Variants in RARB observed in about 807,000 individuals in gnomAD.
RARB encodes the protein HBV-activated protein.
Under a neutral mutation model 51.9 loss-of-function variants are expected in RARB, and 17 were observed. The observed-to-expected ratio is 0.33, with a 90% CI of 0.22 to 0.49. RARB has a LOEUF of 0.49. RARB is among the 20% of genes least tolerant of loss of function. The pLI, the probability that RARB is intolerant of heterozygous loss-of-function variation, is 0.99. For missense variants in RARB, 369 were observed against 550.8 expected, an observed-to-expected ratio of 0.67 and a Z score of 3.30; for synonymous variants, 215 against 195.4, an observed-to-expected ratio of 1.10 and a Z score of -0.84.
Position 25,428,637 on chromosome 3 carries a change from G to A in RARB, c.-95G>A. ...CAACAGCCTACGTGCCAAAAAAGGGGCAGAGTTTGATGGAGTTGGGTGGAC... is the reference window on the plus strand; with the variant it reads ...CAACAGCCTACGTGCCAAAAAAGGGACAGAGTTTGATGGAGTTGGGTGGAC... On this transcript the variant is annotated 5_prime_UTR_variant, in exon 1 of 8. Transcript: ENST00000330688. 1 of 1,459,832 alleles carries A rather than the reference G, an allele frequency of 6.9e-7. No individual in the cohort carries two copies. The highest frequency in any genetic ancestry group is 9.1e-7 in the Non-Finnish European group (1 of 1,095,096). 90.4% of individuals were successfully genotyped at this position (1,459,832 alleles called of 1,614,324 possible). A position where few individuals can be genotyped will look rare whatever the true frequency, so the allele number is the denominator to read the frequency against.
At chr3:25,421,209 T>C (rs950347216) in intron 5 of RARB, among the ~76,000 whole-genome samples, 1 of 151,794 alleles carries the variant, frequency 6.6e-6, no homozygotes, top group Non-Finnish European at 1.5e-5. Flanking sequence ...CAAATTCTCT[T>C]AGAGAACTTG....
At chr3:24,977,987 C>A (rs1376944822) in intron 2 of RARB, among the ~76,000 whole-genome samples, 1 of 152,058 alleles carries the variant, frequency 6.6e-6, no homozygotes, top group African/African-American at 2.4e-5. Context: ...TTGTTAAAGG[C>A]CTTTTCTGCA....
At chr3:24,961,420 G>T (rs1231223868) in intron 2 of RARB, among the ~76,000 whole-genome samples, 4 of 152,196 alleles carry the variant, frequency 2.6e-5, no homozygotes, top group African/African-American at 9.7e-5. Flanking sequence ...TCATGGATAT[G>T]AACTGATGCT....
At chr3:25,523,469 A>C (rs749808909) in intron 3 of RARB, among the ~76,000 whole-genome samples, 25 of 152,202 alleles carry the variant, frequency 1.6e-4, no homozygotes, top group Admixed American at 6.5e-4. Context: ...AGATTTATAG[A>C]AGTAAAATGA....
At chr3:25,390,895 A>G (rs1039558553) in intron 5 of RARB, among the ~76,000 whole-genome samples, 9 of 144,112 alleles carry the variant, frequency 6.2e-5, no homozygotes, top group African/African-American at 1.5e-4. Flanking sequence ...AATAACTTTG[A>G]TAATTTTTGT....
chr3:24,898,273 C>T (rs1306102934), intron 2 of RARB, among the ~76,000 whole-genome samples: 2 of 150,476 alleles, frequency 1.3e-5, no homozygotes, highest in African/African-American at 4.9e-5. Context: ...TGTGAAATAG[C>T]CTGCAAAATA....
At chr3:25,156,922 C>G (rs1700384169) in intron 4 of RARB, among the ~76,000 whole-genome samples, 1 of 152,170 alleles carries the variant, frequency 6.6e-6, no homozygotes, top group Non-Finnish European at 1.5e-5. Context: ...AACTGGACAG[C>G]TGAAATATTG....
At position 25,174,285 on chromosome 3, in the gene RARB, G is replaced by A. The variant is rs1700699865; in HGVS notation, c.-113G>A. The A allele has an allele frequency of 5.3e-6, 5 of 941,646 alleles. 1 individual carries two copies. In the South Asian group the frequency reaches 7.1e-5, roughly 13 times the overall value. 58.3% of individuals were successfully genotyped at this position (941,646 alleles called of 1,614,324 possible). ...GTTGAACCATCTTGACTTTGGCCCA[G>A]AACACAGCTCAGCCTCAACTCCTGC... is the stretch of plus-strand genomic sequence containing the variant. On this transcript the variant is annotated 5_prime_UTR_variant, in exon 5 of 12. Coordinates refer to the RARB transcript ENST00000383772.
intron 3 of RARB, among the ~76,000 whole-genome samples, chr3:25,525,121 C>T (rs560055647): frequency 5.5e-4 from 84 of 152,272 alleles, no homozygotes; most frequent in African/African-American, 1.8e-3. Context: ...TACCTCATAA[C>T]ATTATAAAGT....
At chr3:25,174,358 T>C (rs775483597) in exon 5 of RARB, 18 of 1,342,744 alleles carry the variant, frequency 1.3e-5, no homozygotes, top group Non-Finnish European at 1.6e-5. Context: ...AGTGATGTGT[T>C]CCTGCTCCAG....
intron 2 of RARB, among the ~76,000 whole-genome samples, chr3:24,914,850 C>G (rs1695072092): frequency 6.6e-6 from 1 of 152,172 alleles, no homozygotes; most frequent in African/African-American, 2.4e-5. Context: ...AATCTCAGTA[C>G]TAACAGATGG....
chr3:25,443,625 A>T lies in RARB; in HGVS notation c.157+14737A>T, dbSNP rs1165357666. Among the ~76,000 whole-genome samples the T allele has an allele frequency of 2.8e-3, 361 of 126,864 alleles. 2 individuals are homozygous for T. The highest frequency in any genetic ancestry group is 0.017 in the East Asian group (82 of 4,708). 83.2% of individuals were successfully genotyped at this position (126,864 alleles called of 152,430 possible). Reference sequence around the variant, plus strand: ...GACAGTCCATCTAAAATATATATAAAAAAAAAAAAATGATAAAGCTAAAGG... The same window carrying T: ...GACAGTCCATCTAAAATATATATAATAAAAAAAAAATGATAAAGCTAAAGG... On this transcript the variant is annotated intron_variant, in intron 1 of 7. Transcript: ENST00000330688.
intron 3 of RARB, among the ~76,000 whole-genome samples, chr3:25,507,673 T>C (rs542849225): frequency 2.3e-4 from 35 of 152,272 alleles, no homozygotes; most frequent in African/African-American, 7.7e-4. Flanking sequence ...TGGACATGTA[T>C]TGGGGTTTGG....
At chr3:25,099,234 C>T (rs1262113221) in intron 3 of RARB, among the ~76,000 whole-genome samples, 1 of 152,124 alleles carries the variant, frequency 6.6e-6, no homozygotes, top group East Asian at 1.9e-4. Flanking sequence ...AAAATTGGCC[C>T]CCTTCTTACC....
At chr3:25,552,614 C>T (rs1038824592) in intron 3 of RARB, among the ~76,000 whole-genome samples, 3 of 152,176 alleles carry the variant, frequency 2.0e-5, no homozygotes, top group African/African-American at 7.2e-5. Flanking sequence ...GGTTTCCTCT[C>T]TCAAGTTCTT....
At chr3:24,898,722 A>T (rs1432600847) in intron 2 of RARB, among the ~76,000 whole-genome samples, 1 of 152,150 alleles carries the variant, frequency 6.6e-6, no homozygotes, top group Non-Finnish European at 1.5e-5. Flanking sequence ...CCTATAGCGG[A>T]TATATTGGCT....
chr3:25,464,242 G>A (rs1052987045), intron 2 of RARB, among the ~76,000 whole-genome samples: 1 of 151,894 alleles, frequency 6.6e-6, no homozygotes, highest in Admixed American at 6.5e-5. Flanking sequence ...ACTAGGAGCT[G>A]CATATGAAGC....
chr3:25,461,362 G>A, intron 2 of RARB, 21 bp downstream of exon 2: 1 of 1,609,506 alleles, frequency 6.2e-7, no homozygotes, highest in Non-Finnish European at 8.5e-7. Context: ...ACACTTCTGT[G>A]CCTGATGAAC....
intron 2 of RARB, among the ~76,000 whole-genome samples, chr3:24,917,191 T>C (rs1695124890): frequency 6.6e-6 from 1 of 152,180 alleles, no homozygotes; most frequent in Admixed American, 6.5e-5. Flanking sequence ...ACCCTTGCCA[T>C]ATGCAAACAA....
Sources: allele counts gnomAD v4.1 joint callset (sites outside exome capture counted in the v4.1 genomes callset), GRCh38; gene constraint gnomAD v4.1.1; transcripts MANE v1.5; gene names NCBI Gene and HGNC (gene_info 2026-07-23, HGNC 2026-07-21).